The following SLC12A5 variants were observed in gnomAD, a reference collection of about 807,000 sequenced individuals.
SLC12A5 encodes K-Cl cotransporter 2.
A neutral mutation model predicts 124.0 loss-of-function variants in SLC12A5; 18 were observed. The ratio of observed to expected loss-of-function variants is 0.15; its 90% CI spans 0.10 to 0.22. The LOEUF (loss-of-function observed/expected upper bound fraction) is 0.22. Among genes scored for constraint, SLC12A5 ranks in the 10% least tolerant of loss-of-function variants. SLC12A5 has a pLI of 1.00. For missense variants in SLC12A5, 867 were observed against 1,478.7 expected, an observed-to-expected ratio of 0.59 and a Z score of 6.78; for synonymous variants, 589 against 568.0, an observed-to-expected ratio of 1.04 and a Z score of -0.53.
rs749064755 is a variant in SLC12A5, at chr20:46,046,406, A to G, written c.1757A>G (p.Asn586Ser). 2 of 1,613,980 alleles carry G rather than the reference A, an allele frequency of 1.2e-6. No homozygotes were observed. The highest frequency in any genetic ancestry group is 2.2e-5 in the East Asian group (1 of 44,868). ...CAVQTLLRTPNWRPRFRYYHW... is the reference protein window; with the variant it reads ...CAVQTLLRTPSWRPRFRYYHW... ...GTGCAGACGCTGCTGAGGACACCCA[A>G]CTGGAGGCCACGCTTTCGATATTAC... The change falls in exon 14 of 26, where the codon AAC becomes AGC. Residue 586 changes from asparagine (N) to serine (S), a missense_variant. Physicochemically the swap from Asn to Ser is conservative, Grantham distance 46 (BLOSUM62 1). Transcript: ENST00000243964.
At position 46,058,486 on chromosome 20, in the gene SLC12A5, C is replaced by T. The variant is rs574571814; in HGVS notation, c.*881C>T. 2 of 399,104 alleles carry T rather than the reference C, an allele frequency of 5.0e-6. No homozygotes were observed. Among genetic ancestry groups the T allele is most frequent in the Non-Finnish European group, 4.4e-6 (1 of 226,226 alleles). The allele number at this position is 399,104 out of a possible 1,614,324, so 24.7% of individuals were successfully genotyped here. ...AGCTTCCACTGCGGCTGCAGAGACG[C>T]GAGCAACCTCTTCTCATCGGCTCTT... is the stretch of plus-strand genomic sequence containing the variant. On this transcript the variant is annotated 3_prime_UTR_variant, in exon 26 of 26. Transcript: ENST00000243964. This position sits in a 1 kb window ranked among gnomAD's most constrained non-coding sequence, Gnocchi z 5.8.
Position 46,057,771 on chromosome 20 carries a change from G to T in SLC12A5, c.*166G>T. 1 of 590,216 alleles carries T rather than the reference G, an allele frequency of 1.7e-6. No homozygotes were observed. The highest frequency in any genetic ancestry group is 3.1e-5 in the East Asian group (1 of 32,578). The allele number at this position is 590,216 out of a possible 1,614,324, so 36.6% of individuals were successfully genotyped here. ...AGGCCACGCCTGTTGGGGCTGATTCGGAGAGGGCGCCCCGCCGCGCAGAGA... is the reference window on the plus strand; with the variant it reads ...AGGCCACGCCTGTTGGGGCTGATTCTGAGAGGGCGCCCCGCCGCGCAGAGA... On this transcript the variant is annotated 3_prime_UTR_variant, in exon 26 of 26. Coordinates refer to ENST00000243964, the MANE Select transcript of SLC12A5 (RefSeq NM_020708.5). This position sits in a 1 kb window ranked among gnomAD's most constrained non-coding sequence, Gnocchi z 7.1.
At chr20:46,036,846 G>T in intron 5 of SLC12A5, 51 bp downstream of exon 5, 2 of 1,606,144 alleles carry the variant, frequency 1.2e-6, no homozygotes, top group Non-Finnish European at 1.7e-6. Context: ...TGGAAGGAGG[G>T]ATAGTGCCCT....
upstream of SLC12A5, chr20:46,029,051 C>A (rs1661210101): frequency 6.2e-6 from 7 of 1,122,556 alleles, no homozygotes; most frequent in Non-Finnish European, 8.0e-6. Context: ...CTGCCCGCCC[C>A]TCATCTTCTC....
Position 46,056,926 on chromosome 20 carries a change from AT to A in SLC12A5, c.3125+21del. ...TGGGAGAACTTGTAAGTGCTTCAGC[AT>A]TTTTTCATTCTCTCTCCTAGGATGG... On this transcript the variant is annotated intron_variant, in intron 24 of 25. Transcript: ENST00000243964. The surrounding 1 kb of genome is among the most constrained non-coding windows in gnomAD (Gnocchi z 4.3). The A allele has an allele frequency of 6.2e-7, 1 of 1,613,888 alleles. No individual in the cohort carries two copies.
At chr20:46,025,093 G>C (rs1310998144), upstream of SLC12A5, among the ~76,000 whole-genome samples, 1 of 152,060 alleles carries the variant, frequency 6.6e-6, no homozygotes, top group Non-Finnish European at 1.5e-5. Flanking sequence ...CCCCTCTCTG[G>C]GCCTTAATAT....
intron 20 of SLC12A5, 96 bp from the exon 21 acceptor site, chr20:46,054,820 C>G (rs1412717673): frequency 2.5e-4 from 204 of 800,492 alleles, no homozygotes; most frequent in Non-Finnish European, 3.8e-4. Context: ...CGGGGGCCTT[C>G]CTTCCTTCCC....
chr20:46,039,155 C>T (rs995646126), intron 6 of SLC12A5, among the ~76,000 whole-genome samples: 2 of 152,096 alleles, frequency 1.3e-5, no homozygotes, highest in African/African-American at 2.4e-5. Context: ...TAACCCTATA[C>T]CTAAGCAACT....
rs531662501 is a variant in SLC12A5 at position 46,051,410 on chromosome 20, G to A, written c.2182-265G>A. 3.9e-5 allele frequency among the ~76,000 whole-genome samples: 6 copies of A among 152,218 alleles called. No homozygotes were observed. The South Asian group carries it at 6.2e-4, about 16-fold the overall frequency. ...TCAGGGTGATGGTGGAGAGCATGTC[G>A]GGCAGGGGGGCTGTATGAGCAGTGG... On this transcript the variant is annotated intron_variant, in intron 17 of 25. Transcript: ENST00000243964.
chr20:46,028,027 C>T (rs1423200210), upstream of SLC12A5, among the ~76,000 whole-genome samples: 1 of 152,126 alleles, frequency 6.6e-6, no homozygotes, highest in African/African-American at 2.4e-5. Flanking sequence ...CTTCTAGAGA[C>T]TCAAAGCTTT....
At position 46,035,400 on chromosome 20, in the gene SLC12A5, A is replaced by G. The variant is rs190628004; in HGVS notation, c.148-4A>G. On this transcript the variant is annotated splice_region_variant and splice_polypyrimidine_tract_variant and intron_variant, in intron 2 of 25. Coordinates refer to ENST00000243964, the MANE Select transcript of SLC12A5 (RefSeq NM_020708.5). ...CTCCTAGCACTGACACCCTCCCTCCATAGGAGGAGATGGACACCAGCCCTA... is the reference window on the plus strand; with the variant it reads ...CTCCTAGCACTGACACCCTCCCTCCGTAGGAGGAGATGGACACCAGCCCTA... 4.3e-6 allele frequency: 7 copies of G among 1,611,044 alleles called. No individual in the cohort carries two copies. In the African/African-American group the frequency reaches 5.3e-5, roughly 12 times the overall value.
rs781354583 is a variant in SLC12A5, at chr20:46,056,222, A to G, written c.2860A>G (p.Asn954Asp). Reference sequence around the variant, plus strand: ...TCCAGCCAACACGCGGCTCCGCCTGAACGTCCCAGAAGAGACGGCTGGTGA... The same window carrying G: ...TCCAGCCAACACGCGGCTCCGCCTGGACGTCCCAGAAGAGACGGCTGGTGA... ...KNPANTRLRL[N>D]VPEETAGDSE... The change falls in exon 22 of 26, where the codon AAC becomes GAC. Residue 954 changes from asparagine to aspartate, a missense_variant. Physicochemically the swap from Asn to Asp is conservative, Grantham distance 23. This residue lies in a region of SLC12A5 where 180 missense variants were observed against 243.6 expected (regional missense o/e 0.74). Transcript: ENST00000243964. This position sits in a 1 kb window ranked among gnomAD's most constrained non-coding sequence, Gnocchi z 4.3. 9.3e-6 allele frequency: 15 copies of G among 1,614,192 alleles called. No individual in the cohort carries two copies. In the East Asian group the frequency reaches 1.3e-4, roughly 14 times the overall value.
intron 6 of SLC12A5, among the ~76,000 whole-genome samples, chr20:46,037,741 T>C (rs1209443931): frequency 1.3e-5 from 2 of 152,174 alleles, no homozygotes; most frequent in African/African-American, 4.8e-5. Flanking sequence ...GTCACTCAGC[T>C]CTCAGATAGG....
rs2084703972 is a variant in SLC12A5, at chr20:46,057,199, C to T, written c.3155C>T (p.Thr1052Met). The change falls in exon 25 of 26, where the codon ACG (threonine) becomes ATG (methionine). Residue 1052 changes from threonine to methionine, a missense_variant. By Grantham distance (81) the Thr-to-Met change is moderately conservative. This residue lies in a region of SLC12A5 where 180 missense variants were observed against 243.6 expected (regional missense o/e 0.74). Transcript: ENST00000243964. This position sits in a 1 kb window ranked among gnomAD's most constrained non-coding sequence, Gnocchi z 7.1. ...CAGTCCAACGTGCGGCGCATGCACA[C>T]GGCCGTGCGGCTGAACGAGGTCATC... ...LNQSNVRRMH[T>M]AVRLNEVIVK... 1.9e-6 allele frequency: 3 copies of T among 1,614,220 alleles called. No individual in the cohort carries two copies. Among genetic ancestry groups the T allele is most frequent in the Non-Finnish European group, 2.5e-6 (3 of 1,180,042 alleles).
Position 46,048,065 on chromosome 20 carries a change from C to G in SLC12A5, c.1992C>G (p.Pro664=). ...RYALLRLEEG[P]PHTKNWRPQL... is the part of the protein sequence containing the mutation. ...CCCTCTTACGCCTGGAGGAAGGGCC[C>G]CCACACACCAAGAACTGGAGGTTAG... is the stretch of plus-strand genomic sequence containing the variant. The change falls in exon 16 of 26, where the codon CCC becomes CCG. Residue 664 remains proline, a synonymous_variant. Coordinates refer to ENST00000243964, the MANE Select transcript of SLC12A5 (RefSeq NM_020708.5). The G allele has an allele frequency of 6.2e-7, 1 of 1,612,286 alleles. No homozygotes were observed. Among genetic ancestry groups the G allele is most frequent in the Non-Finnish European group, 8.5e-7 (1 of 1,179,192 alleles).
intron 21 of SLC12A5, chr20:46,055,778 C>T (rs1002358296): frequency 1.6e-5 from 4 of 244,424 alleles, no homozygotes; most frequent in African/African-American, 9.0e-5. Context: ...ATGGGTACCA[C>T]TTTGAGATGG....
At chr20:46,035,228 C>T in intron 2 of SLC12A5, 176 bp from the exon 3 acceptor site, 2 of 990,910 alleles carry the variant, frequency 2.0e-6, no homozygotes, top group Non-Finnish European at 3.1e-6. Context: ...TCCCTGCCCT[C>T]TCCTCATCCT....
At chr20:46,054,324 C>T (rs547317249) in intron 20 of SLC12A5, among the ~76,000 whole-genome samples, 51 of 152,312 alleles carry the variant, frequency 3.3e-4, no homozygotes, top group African/African-American at 8.7e-4. Context: ...CTGCCATTGA[C>T]GCACATACAA....
chr20:46,058,598 C>G lies in SLC12A5; in HGVS notation c.*993C>G. On this transcript the variant is annotated 3_prime_UTR_variant, in exon 26 of 26. Transcript: ENST00000243964. The surrounding 1 kb of genome is among the most constrained non-coding windows in gnomAD (Gnocchi z 5.8). Reference sequence around the variant, plus strand: ...GCGCCCCACCGAGGAAGCCCCGCCCCGGTGCCTTCGCTGGGGAGCAGGCGT... The same window carrying G: ...GCGCCCCACCGAGGAAGCCCCGCCCGGGTGCCTTCGCTGGGGAGCAGGCGT... 1 of 399,196 alleles carries G rather than the reference C, an allele frequency of 2.5e-6. No individual in the cohort carries two copies. The highest frequency in any genetic ancestry group is 4.4e-6 in the Non-Finnish European group (1 of 226,170). The allele number at this position is 399,196 out of a possible 1,614,324, so 24.7% of individuals were successfully genotyped here. A position where few individuals can be genotyped will look rare whatever the true frequency, so the allele number is the denominator to read the frequency against.
Sources: gnomAD v4.1 joint callset for allele counts (sites outside exome capture counted in the v4.1 genomes callset) on GRCh38, gnomAD v4.1.1 for gene constraint, gnomAD v4.1.1 regional missense constraint, Gnocchi (gnomAD v3.1) non-coding constraint, MANE v1.5 for transcripts, NCBI Gene and HGNC (gene_info 2026-07-23, HGNC 2026-07-21) for gene names.